Variants in GAN observed in about 807,000 individuals in gnomAD.
GAN encodes gigaxonin.
A neutral mutation model predicts 71.3 loss-of-function variants in GAN; 48 were observed. That is an observed-to-expected ratio of 0.67 (90% CI 0.53 to 0.86). GAN has a LOEUF of 0.86. Ranked by LOEUF, GAN falls within the 40% of genes least tolerant of loss-of-function variation. The probability of loss-of-function intolerance (pLI) is 0.00; values close to 1 mark genes in which losing one functional copy is unlikely to be tolerated. For synonymous variants in GAN, 386 were observed against 276.8 expected, an observed-to-expected ratio of 1.39 and a Z score of -3.92; for missense variants, 928 against 770.1, an observed-to-expected ratio of 1.21 and a Z score of -2.43.
At chr16:81,344,715 A>G (rs1416105949) in intron 1 of GAN, among the ~76,000 whole-genome samples, 5 of 152,190 alleles carry the variant, frequency 3.3e-5, no homozygotes, top group Admixed American at 3.3e-4. Context: ...GACCATGTCT[A>G]AAACACCAAA....
chr16:81,359,382 C>A (rs375377582), intron 5 of GAN, among the ~76,000 whole-genome samples: 1 of 146,056 alleles, frequency 6.8e-6, no homozygotes, highest in African/African-American at 2.5e-5. Context: ...TGAGGAGGTC[C>A]TTCCGTTTGT....
intron 9 of GAN, among the ~76,000 whole-genome samples, chr16:81,376,071 C>A (rs1027408260): frequency 3.3e-4 from 50 of 151,904 alleles, no homozygotes; most frequent in Non-Finnish European, 1.0e-4. Context: ...ATTAAAGTAG[C>A]CAAAATTAAA....
chr16:81,325,404 G>T (rs991084007), intron 1 of GAN, among the ~76,000 whole-genome samples: 1 of 152,208 alleles, frequency 6.6e-6, no homozygotes, highest in African/African-American at 2.4e-5. Context: ...AAGGATAAAT[G>T]CAGGAACATC....
chr16:81,332,404 CAT>C (rs1909612516), intron 1 of GAN, among the ~76,000 whole-genome samples: 1 of 152,184 alleles, frequency 6.6e-6, no homozygotes, highest in African/African-American at 2.4e-5. Flanking sequence ...GTCCTTGACT[CAT>C]ATTTAACTGG....
rs1904508289 is a variant in GAN at position 81,389,684 on chromosome 16, G to A, written c.*12088G>A. On this transcript the variant is annotated 3_prime_UTR_variant, in exon 11 of 11. Coordinates refer to ENST00000648994, the MANE Select transcript of GAN (RefSeq NM_022041.4). ...CGGGTATAGGTCTTCTGCCATGAAA[G>A]AGAACTATCAAGGAAATTCCTGAAA... 1 of 152,202 alleles carries A rather than the reference G, an allele frequency of 6.6e-6. No homozygotes were observed. The highest frequency in any genetic ancestry group is 1.9e-4 in the East Asian group (1 of 5,200). The allele number at this position is 152,202 out of a possible 1,614,324, so 9.4% of individuals were successfully genotyped here.
chr16:81,322,349 G>T (rs527360826), intron 1 of GAN, among the ~76,000 whole-genome samples: 1 of 152,220 alleles, frequency 6.6e-6, no homozygotes, highest in African/African-American at 2.4e-5. Context: ...AGACATCTCA[G>T]CAGCGGCTAG....
Position 81,389,987 on chromosome 16 carries a change from A to G in GAN, c.*12391A>G, listed in dbSNP as rs1435748057. On this transcript the variant is annotated 3_prime_UTR_variant, in exon 11 of 11. Transcript: ENST00000648994. ...CTGTGTTTTCTGACATGGGACCTGC[A>G]GAATAGTATTTCTTTTAAATCCTGC... The G allele has an allele frequency of 6.6e-6, 1 of 152,238 alleles. No homozygotes were observed. The highest frequency in any genetic ancestry group is 1.5e-5 in the Non-Finnish European group (1 of 68,046). The allele number at this position is 152,238 out of a possible 1,614,324, so 9.4% of individuals were successfully genotyped here.
At chr16:81,337,968 T>C (rs1033878631) in intron 1 of GAN, among the ~76,000 whole-genome samples, 1 of 152,306 alleles carries the variant, frequency 6.6e-6, no homozygotes, top group South Asian at 2.1e-4. Flanking sequence ...GCTGAGTCTC[T>C]GCAGTAATTC....
intron 1 of GAN, among the ~76,000 whole-genome samples, chr16:81,331,413 A>G (rs560969740): frequency 1.3e-5 from 2 of 152,354 alleles, no homozygotes; most frequent in African/African-American, 4.8e-5. Flanking sequence ...GGAATAAAGC[A>G]TGTGGTTTAA....
chr16:81,376,511 ATGTGTGTG>A (rs1312516345), intron 9 of GAN, among the ~76,000 whole-genome samples: 1 of 71,944 alleles, frequency 1.4e-5, no homozygotes. Context: ...GTGTGTGTGT[ATGTGTGTG>A]TGTATACATA....
Position 81,376,355 on chromosome 16 carries a change from T to G in GAN, c.1503-864T>G, listed in dbSNP as rs1904279609. 1.3e-5 allele frequency among the ~76,000 whole-genome samples: 2 copies of G among 152,074 alleles called. 1 individual carries two copies. Among genetic ancestry groups the G allele is most frequent in the South Asian group, 4.1e-4 (2 of 4,838 alleles). ...AAATTCTGGGGCTGGACTCTGTGGC[T>G]TACGCCTGTTATACAGCATTTTAGG... is the stretch of plus-strand genomic sequence containing the variant. On this transcript the variant is annotated intron_variant, in intron 9 of 10. Transcript: ENST00000648994.
chr16:81,390,809 A>G lies in GAN; in HGVS notation c.*13213A>G, dbSNP rs185094523. 6.6e-6 allele frequency: 1 copy of G among 152,244 alleles called. No homozygotes were observed. Among genetic ancestry groups the G allele is most frequent in the East Asian group, 1.9e-4 (1 of 5,206 alleles). The allele number at this position is 152,244 out of a possible 1,614,324, so 9.4% of individuals were successfully genotyped here. On this transcript the variant is annotated 3_prime_UTR_variant, in exon 11 of 11. Transcript: ENST00000648994. Reference sequence around the variant, plus strand: ...AATAAAATAATTTGATGGGGAAGGCATTCTAATTGTTTCTGATTTTTAGAG... The same window carrying G: ...AATAAAATAATTTGATGGGGAAGGCGTTCTAATTGTTTCTGATTTTTAGAG...
intron 1 of GAN, among the ~76,000 whole-genome samples, chr16:81,338,156 G>A (rs577852068): frequency 6.6e-6 from 1 of 152,276 alleles, no homozygotes; most frequent in South Asian, 2.1e-4. Flanking sequence ...TTGAACACCT[G>A]AGATCCATTT....
At chr16:81,350,827 C>A (rs540654236) in intron 1 of GAN, among the ~76,000 whole-genome samples, 24 of 152,240 alleles carry the variant, frequency 1.6e-4, no homozygotes, top group African/African-American at 5.3e-4. Flanking sequence ...CCGAAAAATT[C>A]TTTAACATAG....
At position 81,384,348 on chromosome 16, in the gene GAN, G is replaced by T. The variant is rs1215497055; in HGVS notation, c.*6752G>T. ...AAAAAAAAGCACTTACAACCAGGAG[G>T]AATAATAATTCTCCTAGAGTTGCTG... On this transcript the variant is annotated 3_prime_UTR_variant, in exon 11 of 11. Transcript: ENST00000648994. The T allele has an allele frequency of 6.6e-6, 1 of 151,280 alleles. No individual in the cohort carries two copies. The highest frequency in any genetic ancestry group is 1.5e-5 in the Non-Finnish European group (1 of 67,796). 9.4% of individuals were successfully genotyped at this position (151,280 alleles called of 1,614,324 possible). A position where few individuals can be genotyped will look rare whatever the true frequency, so the allele number is the denominator to read the frequency against.
At chr16:81,335,861 A>G (rs1278136681) in intron 1 of GAN, among the ~76,000 whole-genome samples, 3 of 152,104 alleles carry the variant, frequency 2.0e-5, no homozygotes, top group African/African-American at 4.8e-5. Flanking sequence ...AATTGGTGGC[A>G]GAGAGAAATG....
At chr16:81,320,941 C>G (rs956497552) in intron 1 of GAN, among the ~76,000 whole-genome samples, 6 of 150,454 alleles carry the variant, frequency 4.0e-5, no homozygotes, top group Admixed American at 6.6e-5. Flanking sequence ...TTTTTGTAAT[C>G]ACAACCTTGT....
At chr16:81,329,412 C>T (rs1202787098) in intron 1 of GAN, among the ~76,000 whole-genome samples, 1 of 152,176 alleles carries the variant, frequency 6.6e-6, no homozygotes, top group Admixed American at 6.5e-5. Context: ...AAAAAGTAAA[C>T]AGACTCTGCA....
In GAN at chr16:81,345,115, A is replaced by G. The variant is rs185474452; in HGVS notation, c.168-6468A>G. 6.0e-3 allele frequency among the ~76,000 whole-genome samples: 911 copies of G among 152,278 alleles called. 6 individuals carry two copies. Among genetic ancestry groups the G allele is most frequent in the African/African-American group, 0.021 (869 of 41,558 alleles). ...GTCAGGAAAAAACCGATGCTGGACA[A>G]GTTGTGGAAAAATAGGAACACTTTT... On this transcript the variant is annotated intron_variant, in intron 1 of 10. Transcript: ENST00000648994.
Sources: allele counts gnomAD v4.1 joint callset (sites outside exome capture counted in the v4.1 genomes callset), GRCh38; gene constraint gnomAD v4.1.1; transcripts MANE v1.5; gene names NCBI Gene and HGNC (gene_info 2026-07-23, HGNC 2026-07-21).